MTUS1: variants seen among roughly 807,000 people sequenced by gnomAD.
MTUS1 encodes the protein microtubule-associated tumor suppressor 1.
A neutral mutation model predicts 120.8 loss-of-function variants in MTUS1; 109 were observed. The observed-to-expected ratio is 0.90, with a 90% confidence interval of 0.77 to 1.06. The LOEUF (loss-of-function observed/expected upper bound fraction) is 1.06, where lower values mean the gene tolerates loss of function less well. Among genes scored for constraint, MTUS1 ranks in the 50% least tolerant of loss-of-function variants. The pLI is 0.00. For missense variants in MTUS1, 2,210 were observed against 1,486.3 expected (o/e 1.49, Z -8.01); for synonymous variants, 737 against 550.5 (o/e 1.34, Z -4.74).
At chr8:17,794,816 G>A (rs1463496901) in intron 1 of MTUS1, among the ~76,000 whole-genome samples, 2 of 152,290 alleles carry the variant, frequency 1.3e-5, no homozygotes, top group Admixed American at 6.5e-5. Context: ...TCAGGGGAAG[G>A]GGGTAGGTCT....
intron 1 of MTUS1, among the ~76,000 whole-genome samples, chr8:17,760,647 T>C (rs2048970566): frequency 6.6e-6 from 1 of 152,212 alleles, no homozygotes; most frequent in African/African-American, 2.4e-5. Context: ...TTGCTCGACA[T>C]ATATATTCTT....
At chr8:17,687,867 TAAAG>T (rs1470700903) in intron 6 of MTUS1, among the ~76,000 whole-genome samples, 2 of 152,216 alleles carry the variant, frequency 1.3e-5, no homozygotes, top group Non-Finnish European at 2.9e-5. Context: ...ATCATCTTCT[TAAAG>T]AAAGTAGTTG....
intron 6 of MTUS1, chr8:17,704,063 CTT>C (rs1425620064): frequency 6.6e-6 from 1 of 152,670 alleles, no homozygotes; most frequent in African/African-American, 2.4e-5. Context: ...TACTCTTTCT[CTT>C]TATTTCTCAG....
At chr8:17,732,123 C>T (rs945928992) in intron 3 of MTUS1, among the ~76,000 whole-genome samples, 5 of 152,138 alleles carry the variant, frequency 3.3e-5, no homozygotes, top group African/African-American at 4.8e-5. Context: ...GGGATGCACA[C>T]GGAACTCCTA....
intron 7 of MTUS1, among the ~76,000 whole-genome samples, chr8:17,678,820 T>A (rs975907939): frequency 6.6e-6 from 1 of 152,014 alleles, no homozygotes; most frequent in African/African-American, 2.4e-5. Context: ...TCAGCCCTGT[T>A]CAAGTTTACC....
chr8:17,776,032 T>C (rs539983421), intron 1 of MTUS1, among the ~76,000 whole-genome samples: 1 of 152,182 alleles, frequency 6.6e-6, no homozygotes, highest in East Asian at 1.9e-4. Context: ...AATAACGAGG[T>C]CCTTCTGCAG....
intron 4 of MTUS1, chr8:17,721,992 AGG>A: frequency 7.3e-7 from 1 of 1,376,384 alleles, no homozygotes. Context: ...ATTCGAATGG[AGG>A]GAAAAAAAAA....
chr8:17,659,797 T>C (rs1263422975), intron 8 of MTUS1, among the ~76,000 whole-genome samples: 2 of 152,198 alleles, frequency 1.3e-5, no homozygotes, highest in Non-Finnish European at 2.9e-5. Flanking sequence ...ACTTACATCG[T>C]TGTGTAAGCT....
rs1367211669 is a variant in MTUS1 at position 17,756,325 on chromosome 8, A to G, written c.-154-364T>C. On this transcript the variant is annotated intron_variant, in intron 1 of 14. Transcript: ENST00000693296. The stretch of plus-strand genomic sequence containing the variant: ...GGCTGACAGAGTGACAATTCACCCA[A>G]ATTTGCTTATGACAGTCCCAAAGTA... Among the ~76,000 whole-genome samples the G allele has an allele frequency of 5.3e-5, 8 of 152,020 alleles. No homozygotes were observed. The East Asian group carries it at 1.5e-3, about 29-fold the overall frequency.
chr8:17,672,951 T>C (rs922413428), intron 8 of MTUS1, among the ~76,000 whole-genome samples: 3 of 152,220 alleles, frequency 2.0e-5, no homozygotes, highest in Non-Finnish European at 2.9e-5. Flanking sequence ...GCATCCTTCA[T>C]TGAAGCAGAG....
At chr8:17,727,554 G>A (rs1282840154) in intron 3 of MTUS1, among the ~76,000 whole-genome samples, 2 of 152,208 alleles carry the variant, frequency 1.3e-5, no homozygotes, top group Non-Finnish European at 2.9e-5. Context: ...TTAGCTTAAC[G>A]GTAAAGTTGG....
chr8:17,654,721 G>A, intron 9 of MTUS1, 55 bp from the exon 10 acceptor site: 1 of 1,288,406 alleles, frequency 7.8e-7, no homozygotes, highest in Non-Finnish European at 1.1e-6. Flanking sequence ...GTCCTAAGTT[G>A]AATACGCAAA....
intron 4 of MTUS1, chr8:17,721,569 T>C (rs2045845975): frequency 1.0e-6 from 1 of 1,002,362 alleles, no homozygotes; most frequent in Admixed American, 3.1e-5. Context: ...ACATCTTAAA[T>C]ATACATACAA....
intron 8 of MTUS1, among the ~76,000 whole-genome samples, chr8:17,670,114 G>C (rs1030533655): frequency 6.6e-6 from 1 of 152,206 alleles, no homozygotes; most frequent in Non-Finnish European, 1.5e-5. Flanking sequence ...TCAGTTGTTA[G>C]CTTGGGTGGT....
intron 3 of MTUS1, among the ~76,000 whole-genome samples, chr8:17,724,849 C>T (rs1410640629): frequency 1.3e-5 from 2 of 152,172 alleles, no homozygotes; most frequent in Non-Finnish European, 2.9e-5. Context: ...CAAGGCTACT[C>T]ATGTTTTAAA....
chr8:17,729,036 AAACT>A (rs1404753851), intron 3 of MTUS1, among the ~76,000 whole-genome samples: 1 of 152,266 alleles, frequency 6.6e-6, no homozygotes, highest in Admixed American at 6.5e-5. Flanking sequence ...AGAAAATGCC[AAACT>A]AACAGACACA....
intron 1 of MTUS1, among the ~76,000 whole-genome samples, chr8:17,791,667 T>G (rs1020297278): frequency 3.3e-5 from 5 of 152,224 alleles, no homozygotes; most frequent in Admixed American, 3.3e-4. Context: ...AGCTGGAGTC[T>G]GAGAATAAAC....
At chr8:17,659,130 T>C (rs10888140) in intron 8 of MTUS1, among the ~76,000 whole-genome samples, 110,273 of 151,796 alleles carry the variant, frequency 0.73, 40,314 homozygotes, top group Middle Eastern at 0.87. Flanking sequence ...CTGGCAAGCG[T>C]GAGAGGATGG....
At chr8:17,723,907 C>T (rs1470904194) in intron 3 of MTUS1, 74 bp from the exon 4 acceptor site, 1 of 1,259,870 alleles carries the variant, frequency 7.9e-7, no homozygotes, top group East Asian at 2.3e-5. Context: ...AGCCTGTAAA[C>T]TCAAACTTCT....
Sources: allele counts gnomAD v4.1 joint callset (sites outside exome capture counted in the v4.1 genomes callset), GRCh38; gene constraint gnomAD v4.1.1; transcripts MANE v1.5; gene names NCBI Gene and HGNC (gene_info 2026-07-23, HGNC 2026-07-21).